XKR4: variants seen among roughly 807,000 people sequenced by gnomAD.
XKR4 encodes the protein XK related 4.
Under a neutral mutation model 53.9 loss-of-function variants are expected in XKR4, and 12 were observed. The observed-to-expected ratio is 0.22, with a 90% CI of 0.14 to 0.36. The LOEUF (loss-of-function observed/expected upper bound fraction) is 0.36, where lower values mean the gene tolerates loss of function less well. XKR4 is among the 10% of genes least tolerant of loss of function. The pLI, the probability that XKR4 is intolerant of heterozygous loss-of-function variation, is 1.00. For synonymous variants in XKR4, 354 were observed against 362.4 expected (o/e 0.98, Z 0.26); for missense variants, 799 against 859.5 (o/e 0.93, Z 0.88).
rs79925019 is a variant in XKR4, at chr8:55,497,710, G to A, written c.1007-25571G>A. Among the ~76,000 whole-genome samples, 200 of 152,188 alleles carry A rather than the reference G, an allele frequency of 1.3e-3. 1 individual carries two copies. Among genetic ancestry groups the A allele is most frequent in the South Asian group, 4.2e-3 (20 of 4,818 alleles). ...GTGCAATGTATATTTCTCCTATTTC[G>A]AGCCTGCTGGATTATTCCAATGACC... On this transcript the variant is annotated intron_variant, in intron 2 of 2. Transcript: ENST00000327381.
chr8:55,147,961 C>T (rs1204698129), intron 1 of XKR4, among the ~76,000 whole-genome samples: 1 of 152,118 alleles, frequency 6.6e-6, no homozygotes, highest in African/African-American at 2.4e-5. Context: ...CTCTTGGACT[C>T]TCAGTGGGGA....
chr8:55,185,304 C>T (rs1563477793), intron 1 of XKR4, among the ~76,000 whole-genome samples: 1 of 152,230 alleles, frequency 6.6e-6, no homozygotes, highest in Non-Finnish European at 1.5e-5. Flanking sequence ...AGAAATCCCA[C>T]TTCAACCACT....
chr8:55,164,710 T>C (rs1386767910), intron 1 of XKR4: 1 of 285,470 alleles, frequency 3.5e-6, no homozygotes, highest in Non-Finnish European at 7.0e-6. Context: ...ATCAAACCCA[T>C]GTATAATAAT....
Position 55,524,318 on chromosome 8 carries a change from G to C in XKR4, c.*91G>C, listed in dbSNP as rs774751472. The C allele has an allele frequency of 8.5e-5, 111 of 1,309,238 alleles. No homozygotes were observed. Among genetic ancestry groups the C allele is most frequent in the Non-Finnish European group, 7.7e-5 (74 of 955,482 alleles). 81.1% of individuals were successfully genotyped at this position (1,309,238 alleles called of 1,614,324 possible). A position where few individuals can be genotyped will look rare whatever the true frequency, so the allele number is the denominator to read the frequency against. ...TGACACTTCATCCTAGAGCAGGGCA[G>C]TGAGCCGTGAAGTTCCTAGTGGGAC... On this transcript the variant is annotated 3_prime_UTR_variant, in exon 3 of 3. Coordinates refer to ENST00000327381, the MANE Select transcript of XKR4 (RefSeq NM_052898.2).
At chr8:55,310,372 AT>A (rs1287114156) in intron 1 of XKR4, among the ~76,000 whole-genome samples, 1 of 152,206 alleles carries the variant, frequency 6.6e-6, no homozygotes, top group Non-Finnish European at 1.5e-5. Flanking sequence ...AATGGGAAAA[AT>A]AATACTTCCT....
intron 1 of XKR4, among the ~76,000 whole-genome samples, chr8:55,275,261 C>A (rs1042235529): frequency 3.3e-5 from 5 of 152,018 alleles, no homozygotes; most frequent in African/African-American, 1.2e-4. Flanking sequence ...ATATAATATT[C>A]TTATAAGTCT....
chr8:55,541,951 G>A lies in XKR4; in HGVS notation c.*17724G>A, dbSNP rs973039011. 1.3e-5 allele frequency: 2 copies of A among 151,962 alleles called. No individual in the cohort carries two copies. Among genetic ancestry groups the A allele is most frequent in the African/African-American group, 4.8e-5 (2 of 41,360 alleles). 9.4% of individuals were successfully genotyped at this position (151,962 alleles called of 1,614,324 possible). On this transcript the variant is annotated 3_prime_UTR_variant, in exon 3 of 3. Transcript: ENST00000327381. ...GTCTGTTAAGTAAGTTGCAATTTGT[G>A]ATGAAATGAAGTGGAAAGTAGTACT...
chr8:55,290,952 G>A (rs1054614333), intron 1 of XKR4, among the ~76,000 whole-genome samples: 1 of 151,964 alleles, frequency 6.6e-6, no homozygotes, highest in African/African-American at 2.4e-5. Flanking sequence ...TAAGAACTTT[G>A]CTCTAGATCT....
chr8:55,341,456 C>T (rs1803545366), intron 1 of XKR4, among the ~76,000 whole-genome samples: 1 of 152,124 alleles, frequency 6.6e-6, no homozygotes, highest in African/African-American at 2.4e-5. Context: ...TGCTACAGGA[C>T]CACAGGCAGA....
At chr8:55,313,495 C>T (rs542201679) in intron 1 of XKR4, among the ~76,000 whole-genome samples, 3 of 152,132 alleles carry the variant, frequency 2.0e-5, no homozygotes, top group Non-Finnish European at 4.4e-5. Context: ...AGTTACCCAG[C>T]GGCAGCATGC....
chr8:55,450,617 T>C (rs1432351528), intron 2 of XKR4: 7 of 694,162 alleles, frequency 1.0e-5, no homozygotes, highest in Non-Finnish European at 1.3e-5. Flanking sequence ...GAACTGCAGG[T>C]GGAGCTGGTG....
chr8:55,176,287 G>A lies in XKR4; in HGVS notation c.806+72993G>A, dbSNP rs138928630. Among the ~76,000 whole-genome samples the A allele has an allele frequency of 1.1e-3, 169 of 152,352 alleles. 2 individuals are homozygous for A. The highest frequency in any genetic ancestry group is 3.9e-3 in the African/African-American group (164 of 41,588). ...GGTTGGGGCTGAGCACTGCGACATGGATTAGATCCACTTGTCACTGAAAGA... is the reference window on the plus strand; with the variant it reads ...GGTTGGGGCTGAGCACTGCGACATGAATTAGATCCACTTGTCACTGAAAGA... On this transcript the variant is annotated intron_variant, in intron 1 of 2. Transcript: ENST00000327381.
At chr8:55,480,161 T>G (rs1164303943) in intron 2 of XKR4, among the ~76,000 whole-genome samples, 4 of 152,176 alleles carry the variant, frequency 2.6e-5, no homozygotes, top group Non-Finnish European at 5.9e-5. Flanking sequence ...AATAAAATAC[T>G]GGCAAACCGA....
At chr8:55,208,825 G>A (rs1002808694) in intron 1 of XKR4, among the ~76,000 whole-genome samples, 11 of 152,250 alleles carry the variant, frequency 7.2e-5, no homozygotes, top group Admixed American at 6.5e-4. Context: ...CCCGCAGTTT[G>A]TCCCCTGCAA....
At chr8:55,507,281 CT>C (rs1270305979) in intron 2 of XKR4, among the ~76,000 whole-genome samples, 4 of 152,138 alleles carry the variant, frequency 2.6e-5, no homozygotes, top group African/African-American at 9.7e-5. Context: ...CAAAGCACCC[CT>C]ATACATATAT....
intron 2 of XKR4, among the ~76,000 whole-genome samples, chr8:55,503,632 A>G (rs1806478245): frequency 6.6e-6 from 1 of 152,160 alleles, no homozygotes; most frequent in Admixed American, 6.5e-5. Context: ...TTGTCTACAA[A>G]TTATGTTATC....
At chr8:55,271,180 C>T (rs1818685801) in intron 1 of XKR4, among the ~76,000 whole-genome samples, 1 of 152,062 alleles carries the variant, frequency 6.6e-6, no homozygotes, top group Non-Finnish European at 1.5e-5. Flanking sequence ...TCTCACCTCC[C>T]ACCTAGAAAG....
At chr8:55,455,360 G>T (rs1563355395) in intron 2 of XKR4, among the ~76,000 whole-genome samples, 1 of 152,098 alleles carries the variant, frequency 6.6e-6, no homozygotes, top group Non-Finnish European at 1.5e-5. Flanking sequence ...TCAGGTAAAG[G>T]CAGCAGGAAT....
intron 2 of XKR4, among the ~76,000 whole-genome samples, chr8:55,468,732 C>T (rs113941826): frequency 2.2e-4 from 33 of 152,074 alleles, no homozygotes; most frequent in African/African-American, 3.9e-4. Context: ...ATCTATAAAA[C>T]GAAAAAGTGA....
Sources: allele counts gnomAD v4.1 joint callset (sites outside exome capture counted in the v4.1 genomes callset), GRCh38; gene constraint gnomAD v4.1.1; transcripts MANE v1.5; gene names NCBI Gene and HGNC (gene_info 2026-07-23, HGNC 2026-07-21).